Variants in SLC5A4 observed in about 807,000 individuals in gnomAD.
The protein encoded by SLC5A4 is probable glucose sensor protein SLC5A4.
In SLC5A4, 55 loss-of-function variants were observed where a neutral mutation model predicts 70.3. The observed-to-expected ratio is 0.78, with a 90% CI of 0.63 to 0.98. SLC5A4 has a LOEUF of 0.98. Ranked by LOEUF, SLC5A4 falls within the 50% of genes least tolerant of loss-of-function variation. The probability of loss-of-function intolerance (pLI) is 0.00; values close to 1 mark genes in which losing one functional copy is unlikely to be tolerated. For synonymous variants in SLC5A4, 268 were observed against 305.7 expected (o/e 0.88, Z 1.29); for missense variants, 735 against 839.2 (o/e 0.88, Z 1.53).
the SLC5A4 span, among the ~76,000 whole-genome samples, chr22:32,307,257 A>C: frequency 6.6e-6 from 1 of 152,192 alleles, no homozygotes; most frequent in South Asian, 2.1e-4. Context: ...TTTTAGGTAC[A>C]GAGTAACTAA....
the SLC5A4 span, among the ~76,000 whole-genome samples, chr22:32,308,778 G>C: frequency 1.3e-5 from 2 of 152,152 alleles, no homozygotes; most frequent in Non-Finnish European, 1.5e-5. Flanking sequence ...ATGTGTGTGA[G>C]GGCATGTGCT....
At chr22:32,232,693 C>A (rs1190828143) in intron 9 of SLC5A4, among the ~76,000 whole-genome samples, 2 of 152,042 alleles carry the variant, frequency 1.3e-5, no homozygotes, top group Admixed American at 6.6e-5. Flanking sequence ...ACGAGATAGG[C>A]AGATGGTATG....
chr22:32,323,255 C>T, the SLC5A4 span, among the ~76,000 whole-genome samples: 2 of 152,198 alleles, frequency 1.3e-5, no homozygotes, highest in African/African-American at 2.4e-5. Flanking sequence ...TCCTCACCCC[C>T]TCCCCTGCAT....
the SLC5A4 span, among the ~76,000 whole-genome samples, chr22:32,354,175 G>A: frequency 2.9e-5 from 4 of 138,558 alleles, no homozygotes; most frequent in African/African-American, 1.1e-4. Context: ...TCCCTCAATA[G>A]CGCCCCCAAC....
the SLC5A4 span, among the ~76,000 whole-genome samples, chr22:32,283,530 C>T: frequency 6.6e-6 from 1 of 152,162 alleles, no homozygotes; most frequent in African/African-American, 2.4e-5. Flanking sequence ...TTGCCAATTC[C>T]CATGGTATAT....
At chr22:32,328,131 A>T in the SLC5A4 span, among the ~76,000 whole-genome samples, 1 of 151,226 alleles carries the variant, frequency 6.6e-6, no homozygotes, top group Non-Finnish European at 1.5e-5. Context: ...AAACACACAC[A>T]CCAGACCCCA....
chr22:32,323,966 G>A, the SLC5A4 span, among the ~76,000 whole-genome samples: 1,995 of 152,146 alleles, frequency 0.013, 40 homozygotes, highest in African/African-American at 0.046. Flanking sequence ...GAGGCCTCCC[G>A]ATGGCTGCCC....
chr22:32,254,646 T>C (rs1045132006), intron 1 of SLC5A4, among the ~76,000 whole-genome samples: 1 of 151,880 alleles, frequency 6.6e-6, no homozygotes, highest in Non-Finnish European at 1.5e-5. Flanking sequence ...CTACTAAAAA[T>C]ACAAAAAGTT....
chr22:32,331,002 G>A, the SLC5A4 span, among the ~76,000 whole-genome samples: 4 of 125,956 alleles, frequency 3.2e-5, no homozygotes, highest in African/African-American at 6.0e-5. Context: ...TCTGGTGTGT[G>A]TGTTGGGGGC....
At chr22:32,272,270 G>A in the SLC5A4 span, 1 of 803,978 alleles carries the variant, frequency 1.2e-6, no homozygotes, top group Non-Finnish European at 2.2e-6. Flanking sequence ...CCTTGACCAA[G>A]AACAAGTTCA....
chr22:32,317,290 A>C, the SLC5A4 span, among the ~76,000 whole-genome samples: 1 of 152,228 alleles, frequency 6.6e-6, no homozygotes, highest in East Asian at 1.9e-4. Flanking sequence ...ATATAGCCTT[A>C]AAACACTGAT....
the SLC5A4 span, among the ~76,000 whole-genome samples, chr22:32,347,474 G>A: frequency 2.6e-5 from 4 of 152,034 alleles, no homozygotes; most frequent in Admixed American, 2.6e-4. Flanking sequence ...AACAATGATA[G>A]ACTGGATTAA....
At chr22:32,332,749 C>CA in the SLC5A4 span, among the ~76,000 whole-genome samples, 1 of 152,220 alleles carries the variant, frequency 6.6e-6, no homozygotes, top group Admixed American at 6.5e-5. Flanking sequence ...GGACTTTATA[C>CA]ATCCCCATGG....
chr22:32,226,780 T>C (rs1925423410), intron 11 of SLC5A4, among the ~76,000 whole-genome samples: 1 of 152,184 alleles, frequency 6.6e-6, no homozygotes, highest in African/African-American at 2.4e-5. Flanking sequence ...TGTTATGACT[T>C]CAATGGCCCT....
the SLC5A4 span, among the ~76,000 whole-genome samples, chr22:32,301,801 T>A: frequency 6.7e-6 from 1 of 149,612 alleles, no homozygotes; most frequent in Non-Finnish European, 1.5e-5. Context: ...GGTACTGGCA[T>A]AAGAATAGGT....
Position 32,230,993 on chromosome 22 carries a change from C to G in SLC5A4, c.1104G>C (p.Thr368=). Residue 368 remains threonine (T), a synonymous_variant, in exon 10 of 15, where the codon ACG becomes ACC. Coordinates refer to ENST00000266086, the MANE Select transcript of SLC5A4 (RefSeq NM_014227.3). ...DVGCTNYAYP[T]MVLELMPQGL... Reference sequence around the variant, plus strand: ...CTTGGGGCATCAGTTCCAGCACCATCGTGGGGTATGCGTAGTTGGTGCAGC... The same window carrying G: ...CTTGGGGCATCAGTTCCAGCACCATGGTGGGGTATGCGTAGTTGGTGCAGC... The G allele has an allele frequency of 6.2e-7, 1 of 1,613,648 alleles. No homozygotes were observed. The highest frequency in any genetic ancestry group is 8.5e-7 in the Non-Finnish European group (1 of 1,179,546).
At chr22:32,237,136 GT>G in intron 7 of SLC5A4, 107 bp downstream of exon 7, 2 of 754,730 alleles carry the variant, frequency 2.6e-6, no homozygotes, top group Non-Finnish European at 4.7e-6. Context: ...ACTGGAAAGT[GT>G]GACCAGATGG....
At chr22:32,278,435 C>A in the SLC5A4 span, among the ~76,000 whole-genome samples, 5 of 152,174 alleles carry the variant, frequency 3.3e-5, no homozygotes, top group Non-Finnish European at 7.3e-5. Flanking sequence ...AAGAATTCTT[C>A]AAAGTTAATA....
upstream of SLC5A4, among the ~76,000 whole-genome samples, chr22:32,259,895 A>G (rs190758783): frequency 3.9e-5 from 6 of 152,298 alleles, no homozygotes; most frequent in East Asian, 1.2e-3. Context: ...GGAGTAGGTA[A>G]AAGAAAGGGA....
Sources: gnomAD v4.1 joint callset for allele counts (sites outside exome capture counted in the v4.1 genomes callset) on GRCh38, gnomAD v4.1.1 for gene constraint, MANE v1.5 for transcripts, NCBI Gene and HGNC (gene_info 2026-07-23, HGNC 2026-07-21) for gene names.